Variants in FAM76B observed in about 807,000 individuals in gnomAD.
The protein encoded by FAM76B is protein FAM76B.
Under a neutral mutation model 51.8 loss-of-function variants are expected in FAM76B, and 16 were observed. The observed-to-expected ratio is 0.31, with a 90% confidence interval of 0.21 to 0.47. The LOEUF is 0.47. FAM76B is among the 20% of genes least tolerant of loss of function. FAM76B has a pLI of 1.00. For synonymous variants in FAM76B, 166 were observed against 129.5 expected (o/e 1.28, Z -1.91); for missense variants, 342 against 392.6 (o/e 0.87, Z 1.09).
intron 5 of FAM76B, 138 bp from the exon 6 acceptor site, chr11:95,780,064 T>A: frequency 1.4e-6 from 1 of 691,900 alleles, no homozygotes; most frequent in Non-Finnish European, 2.3e-6. Flanking sequence ...GTTTTCAGAC[T>A]AAGCTAATAC....
At position 95,770,082 on chromosome 11, in the gene FAM76B, T is replaced by C. The variant is rs542153003; in HGVS notation, c.*1479A>G. 3.3e-5 allele frequency: 5 copies of C among 151,710 alleles called. No homozygotes were observed. Among genetic ancestry groups the C allele is most frequent in the Admixed American group, 1.3e-4 (2 of 15,196 alleles). 9.4% of individuals were successfully genotyped at this position (151,710 alleles called of 1,614,324 possible). A position where few individuals can be genotyped will look rare whatever the true frequency, so the allele number is the denominator to read the frequency against. ...GTAACAGTTTTACATGAAGCAAATTTATCTTTGCCCATAAATTATTAAGAG... is the reference window on the plus strand; with the variant it reads ...GTAACAGTTTTACATGAAGCAAATTCATCTTTGCCCATAAATTATTAAGAG... On this transcript the variant is annotated 3_prime_UTR_variant, in exon 10 of 10. Coordinates refer to ENST00000358780, the MANE Select transcript of FAM76B (RefSeq NM_144664.5).
chr11:95,781,739 C>G (rs991092252), intron 5 of FAM76B, among the ~76,000 whole-genome samples: 1 of 152,106 alleles, frequency 6.6e-6, no homozygotes, highest in Non-Finnish European at 1.5e-5. Context: ...TCTTGAAATA[C>G]TCTGATATAA....
chr11:95,785,466 C>T (rs958488525), intron 4 of FAM76B, among the ~76,000 whole-genome samples: 1 of 152,198 alleles, frequency 6.6e-6, no homozygotes, highest in African/African-American at 2.4e-5. Context: ...TCTGTTTGTT[C>T]ACATGTATTC....
chr11:95,773,957 T>C (rs1018919041), intron 9 of FAM76B, among the ~76,000 whole-genome samples: 1 of 151,120 alleles, frequency 6.6e-6, no homozygotes, highest in Non-Finnish European at 1.5e-5. Flanking sequence ...AATTCCTTAT[T>C]ACATAAAGAT....
intron 2 of FAM76B, among the ~76,000 whole-genome samples, chr11:95,788,061 C>G (rs1860700613): frequency 1.3e-5 from 2 of 152,292 alleles, no homozygotes; most frequent in South Asian, 4.1e-4. Flanking sequence ...TTTTCTGAGG[C>G]TACTTTCTGT....
chr11:95,780,771 T>C (rs1050487023), intron 5 of FAM76B, among the ~76,000 whole-genome samples: 3 of 151,954 alleles, frequency 2.0e-5, no homozygotes, highest in African/African-American at 7.2e-5. Context: ...TCCCCAGCCT[T>C]AGTTCCCTCA....
chr11:95,772,868 T>C (rs563661410), intron 9 of FAM76B, among the ~76,000 whole-genome samples: 2 of 151,214 alleles, frequency 1.3e-5, no homozygotes, highest in African/African-American at 4.8e-5. Context: ...AAAATGCAAA[T>C]ATTCTCAGTA....
chr11:95,778,477 C>T (rs934815652), intron 8 of FAM76B, among the ~76,000 whole-genome samples: 2 of 151,508 alleles, frequency 1.3e-5, no homozygotes, highest in Non-Finnish European at 3.0e-5. Flanking sequence ...ATATCAAAGA[C>T]TGTTCAAACT....
At position 95,789,493 on chromosome 11, in the gene FAM76B, T is replaced by C. The variant is rs1555041752; in HGVS notation, c.-15A>G. On this transcript the variant is annotated 5_prime_UTR_variant, in exon 1 of 10. Coordinates refer to ENST00000358780, the MANE Select transcript of FAM76B (RefSeq NM_144664.5). ...GAGGCCGCCATCCTGCTCCTCAGTC[T>C]CCTCCTCCGCCGCCGCCCGCTCCGA... 2.0e-6 allele frequency: 3 copies of C among 1,536,790 alleles called. No homozygotes were observed. The highest frequency in any genetic ancestry group is 1.2e-5 in the South Asian group (1 of 85,784).
At chr11:95,786,337 C>G (rs1400452091) in intron 3 of FAM76B, 63 bp from the exon 4 acceptor site, 1 of 1,552,358 alleles carries the variant, frequency 6.4e-7, no homozygotes, top group Admixed American at 1.9e-5. Flanking sequence ...TAGCATATAC[C>G]CAGTGTTGTA....
Position 95,788,481 on chromosome 11 carries a change from A to T in FAM76B, c.152+18T>A, listed in dbSNP as rs761305108. 1.1e-5 allele frequency: 17 copies of T among 1,583,774 alleles called. No individual in the cohort carries two copies. The highest frequency in any genetic ancestry group is 1.7e-5 in the Admixed American group (1 of 59,604). Reference sequence around the variant, plus strand: ...CAACACTTGTCTTTAACAGTCAAAAACTATTCAGTATACAAACCTCTCTTG... The same window carrying T: ...CAACACTTGTCTTTAACAGTCAAAATCTATTCAGTATACAAACCTCTCTTG... On this transcript the variant is annotated intron_variant, in intron 2 of 9. Transcript: ENST00000358780.
intron 4 of FAM76B, 134 bp downstream of exon 4, chr11:95,785,985 C>T: frequency 9.8e-7 from 1 of 1,025,244 alleles, no homozygotes; most frequent in Non-Finnish European, 1.4e-6. Flanking sequence ...ACTATTCCTG[C>T]ACTTTCATCT....
At chr11:95,776,751 T>G (rs1860029990) in intron 8 of FAM76B, among the ~76,000 whole-genome samples, 1 of 151,286 alleles carries the variant, frequency 6.6e-6, no homozygotes, top group African/African-American at 2.4e-5. Flanking sequence ...ACTAAATAAG[T>G]TATTATGTAA....
rs565308842 is a variant in FAM76B at position 95,771,483 on chromosome 11, C to T, written c.*78G>A. 1.0e-3 allele frequency: 1,156 copies of T among 1,136,082 alleles called. 6 individuals carry two copies. The highest frequency in any genetic ancestry group is 9.9e-5 in the Admixed American group (5 of 50,654). 70.4% of individuals were successfully genotyped at this position (1,136,082 alleles called of 1,614,324 possible). On this transcript the variant is annotated 3_prime_UTR_variant, in exon 10 of 10. Coordinates refer to ENST00000358780, the MANE Select transcript of FAM76B (RefSeq NM_144664.5). Reference sequence around the variant, plus strand: ...GGTGTGCAAAAATATTTTTCTACTACACAGAATTTAAGGGCTTCACAGAAT... The same window carrying T: ...GGTGTGCAAAAATATTTTTCTACTATACAGAATTTAAGGGCTTCACAGAAT...
chr11:95,775,757 C>T (rs376556673), intron 9 of FAM76B, 165 bp downstream of exon 9: 22 of 420,444 alleles, frequency 5.2e-5, no homozygotes, highest in Middle Eastern at 6.4e-4. Context: ...CAAACAATAA[C>T]TTCTAATGAG....
intron 5 of FAM76B, among the ~76,000 whole-genome samples, chr11:95,780,389 T>A (rs912947494): frequency 6.6e-6 from 1 of 151,958 alleles, no homozygotes; most frequent in Non-Finnish European, 1.5e-5. Context: ...ATATATTGAT[T>A]TCTTTGATTC....
At chr11:95,780,700 T>C (rs971869135) in intron 5 of FAM76B, among the ~76,000 whole-genome samples, 2 of 151,980 alleles carry the variant, frequency 1.3e-5, no homozygotes, top group Non-Finnish European at 2.9e-5. Flanking sequence ...ATGCCACGTA[T>C]TTATACGATT....
At chr11:95,780,190 A>C (rs1164405303) in intron 5 of FAM76B, among the ~76,000 whole-genome samples, 4 of 151,888 alleles carry the variant, frequency 2.6e-5, no homozygotes, top group Non-Finnish European at 1.5e-5. Context: ...TTAATATCAT[A>C]CAAAGGGTGG....
rs1441837979 is a variant in FAM76B, at chr11:95,770,694, T to G, written c.*867A>C. 6.6e-6 allele frequency: 1 copy of G among 151,774 alleles called. No individual in the cohort carries two copies. The highest frequency in any genetic ancestry group is 2.4e-5 in the African/African-American group (1 of 41,372). 9.4% of individuals were successfully genotyped at this position (151,774 alleles called of 1,614,324 possible). On this transcript the variant is annotated 3_prime_UTR_variant, in exon 10 of 10. Coordinates refer to ENST00000358780, the MANE Select transcript of FAM76B (RefSeq NM_144664.5). The stretch of plus-strand genomic sequence containing the variant: ...AAACAAATCACAAAATTTTCTACAA[T>G]CTATATGCATTATCAGTTAGTTCTA...
Sources: gnomAD v4.1 joint callset for allele counts (sites outside exome capture counted in the v4.1 genomes callset) on GRCh38, gnomAD v4.1.1 for gene constraint, MANE v1.5 for transcripts, NCBI Gene and HGNC (gene_info 2026-07-23, HGNC 2026-07-21) for gene names.